Variants in KYNU observed in about 807,000 individuals in gnomAD.
KYNU encodes kynureninase.
Under a neutral mutation model 59.2 loss-of-function variants are expected in KYNU, and 54 were observed. That is an observed-to-expected ratio of 0.91 (90% CI 0.73 to 1.14). The LOEUF (loss-of-function observed/expected upper bound fraction) is 1.14. KYNU is among the 50% of genes most tolerant of loss of function. The pLI is 0.00. For missense variants in KYNU, 567 were observed against 554.4 expected (o/e 1.02, Z -0.23); for synonymous variants, 177 against 192.0 (o/e 0.92, Z 0.65).
chr2:143,029,779 T>G, intron 11 of KYNU, 100 bp downstream of exon 11: 1 of 739,614 alleles, frequency 1.4e-6, no homozygotes, highest in Non-Finnish European at 2.4e-6. Flanking sequence ...CCAGGGAGAG[T>G]GCACTTCAAA....
At chr2:142,989,343 G>A in intron 10 of KYNU, 9 of 1,002,584 alleles carry the variant, frequency 9.0e-6, no homozygotes, top group Non-Finnish European at 1.1e-5. Flanking sequence ...TTCTCTTAGA[G>A]CTTTAGAGAG....
At chr2:142,960,980 G>A (rs1684324803) in intron 8 of KYNU, among the ~76,000 whole-genome samples, 1 of 151,840 alleles carries the variant, frequency 6.6e-6, no homozygotes, top group Non-Finnish European at 1.5e-5. Context: ...GGATCACGAG[G>A]TCAGGAGTTT....
chr2:142,938,755 T>A (rs976408646), intron 4 of KYNU, among the ~76,000 whole-genome samples: 4 of 151,988 alleles, frequency 2.6e-5, no homozygotes, highest in Admixed American at 1.3e-4. Context: ...GAAAATTTTT[T>A]AAAAAAAGAA....
intron 10 of KYNU, among the ~76,000 whole-genome samples, chr2:143,010,131 G>C (rs1686046110): frequency 1.4e-5 from 2 of 141,326 alleles, no homozygotes; most frequent in South Asian, 4.7e-4. Flanking sequence ...GTCCCTGTTT[G>C]CAGATGACAT....
At chr2:143,007,292 G>C (rs1388303816) in intron 10 of KYNU, among the ~76,000 whole-genome samples, 1 of 150,096 alleles carries the variant, frequency 6.7e-6, no homozygotes. Context: ...CGATCAACTG[G>C]AAGAAAGGGT....
intron 10 of KYNU, among the ~76,000 whole-genome samples, chr2:143,024,577 G>C (rs1398020924): frequency 6.6e-6 from 1 of 151,654 alleles, no homozygotes; most frequent in Non-Finnish European, 1.5e-5. Flanking sequence ...ATTAGTCTCT[G>C]TCATTGAATG....
At chr2:142,892,741 T>G (rs1203323498) in intron 2 of KYNU, among the ~76,000 whole-genome samples, 1 of 152,204 alleles carries the variant, frequency 6.6e-6, no homozygotes, top group Non-Finnish European at 1.5e-5. Flanking sequence ...AGTGGTGATA[T>G]TCACTGATAC....
intron 2 of KYNU, among the ~76,000 whole-genome samples, chr2:142,913,053 T>G (rs1274327800): frequency 1.3e-5 from 2 of 152,172 alleles, no homozygotes; most frequent in African/African-American, 2.4e-5. Flanking sequence ...ATGTCATCTT[T>G]GTTGTTTCTG....
intron 10 of KYNU, among the ~76,000 whole-genome samples, chr2:143,014,168 T>C (rs1017164279): frequency 2.0e-5 from 3 of 152,210 alleles, no homozygotes; most frequent in Admixed American, 2.0e-4. Flanking sequence ...TTACAAACCT[T>C]TGGACTGCCC....
At chr2:142,911,103 G>T (rs1682466155) in intron 2 of KYNU, among the ~76,000 whole-genome samples, 1 of 152,132 alleles carries the variant, frequency 6.6e-6, no homozygotes, top group Non-Finnish European at 1.5e-5. Flanking sequence ...TGTGAGAAAT[G>T]ACATAGGTAG....
rs1685269496 is a variant in KYNU, at chr2:142,987,990, T to C, written c.902+1969T>C. On this transcript the variant is annotated intron_variant, in intron 10 of 13. Coordinates refer to ENST00000264170, the MANE Select transcript of KYNU (RefSeq NM_003937.3). ...CCCTCTGCCATGGTTGTAAGTTTCC[T>C]GAGGCCTTCCCAGTCATGCTTCCTG... 3.9e-5 allele frequency among the ~76,000 whole-genome samples: 6 copies of C among 152,082 alleles called. No homozygotes were observed. In the East Asian group the frequency reaches 7.8e-4, roughly 20 times the overall value.
chr2:143,010,186 T>C (rs1686047464), intron 10 of KYNU, among the ~76,000 whole-genome samples: 1 of 127,360 alleles, frequency 7.9e-6, no homozygotes, highest in Non-Finnish European at 1.6e-5. Flanking sequence ...CAAAATCTCC[T>C]TAAGCTGATA....
At chr2:143,006,145 C>A (rs890952987) in intron 10 of KYNU, among the ~76,000 whole-genome samples, 18 of 152,056 alleles carry the variant, frequency 1.2e-4, no homozygotes, top group Admixed American at 1.0e-3. Flanking sequence ...TCTGAGGTAC[C>A]GGGTTCATCT....
chr2:142,917,257 C>T (rs3768853), intron 2 of KYNU, among the ~76,000 whole-genome samples: 20,433 of 152,108 alleles, frequency 0.13, 1,637 homozygotes, highest in African/African-American at 0.22. Flanking sequence ...AGAATCCACA[C>T]GACATTGAGT....
At chr2:143,028,931 A>G (rs186586901) in intron 10 of KYNU, among the ~76,000 whole-genome samples, 201 of 152,330 alleles carry the variant, frequency 1.3e-3, no homozygotes, top group African/African-American at 4.6e-3. Flanking sequence ...AAAACTTTCA[A>G]CAATTGTATG....
At chr2:142,899,839 C>T (rs989775847) in intron 2 of KYNU, among the ~76,000 whole-genome samples, 1 of 152,204 alleles carries the variant, frequency 6.6e-6, no homozygotes, top group African/African-American at 2.4e-5. Flanking sequence ...CAGGCCCTGA[C>T]TATCTGCTTG....
intron 10 of KYNU, among the ~76,000 whole-genome samples, chr2:142,993,582 C>A (rs1423556675): frequency 2.6e-5 from 4 of 151,882 alleles, no homozygotes; most frequent in Admixed American, 2.6e-4. Context: ...CATTTTAGAT[C>A]AATAATTTTT....
intron 10 of KYNU, among the ~76,000 whole-genome samples, chr2:143,021,330 C>A (rs1256854759): frequency 6.6e-6 from 1 of 152,066 alleles, no homozygotes; most frequent in Non-Finnish European, 1.5e-5. Flanking sequence ...TTAGAGATTT[C>A]TTAATATTAT....
chr2:142,930,292 T>A (rs191874442), intron 4 of KYNU, among the ~76,000 whole-genome samples: 15 of 152,216 alleles, frequency 9.9e-5, no homozygotes, highest in Non-Finnish European at 2.1e-4. Flanking sequence ...AAAAGAAGAT[T>A]TGTTGAAATT....
Sources: allele counts gnomAD v4.1 joint callset (sites outside exome capture counted in the v4.1 genomes callset), GRCh38; gene constraint gnomAD v4.1.1; transcripts MANE v1.5; gene names NCBI Gene and HGNC (gene_info 2026-07-23, HGNC 2026-07-21).